TIE1: variants seen among roughly 807,000 people sequenced by gnomAD.
TIE1 encodes the protein tyrosine-protein kinase receptor Tie-1.
A neutral mutation model predicts 130.5 loss-of-function variants in TIE1; 89 were observed. The ratio of observed to expected loss-of-function variants is 0.68; its 90% CI spans 0.57 to 0.81. The LOEUF (loss-of-function observed/expected upper bound fraction) is 0.81. Among genes scored for constraint, TIE1 ranks in the 40% least tolerant of loss-of-function variants. The pLI, the probability that TIE1 is intolerant of heterozygous loss-of-function variation, is 0.00. For synonymous variants in TIE1, 568 were observed against 629.4 expected (o/e 0.90, Z 1.46); for missense variants, 1,392 against 1,559.8 (o/e 0.89, Z 1.81).
At chr1:43,321,051 A>C (rs1437816042) in intron 19 of TIE1, among the ~76,000 whole-genome samples, 10 of 104,060 alleles carry the variant, frequency 9.6e-5, no homozygotes, top group African/African-American at 2.7e-4. Flanking sequence ...AAAAAAAAAA[A>C]AAACAAAACA....
At position 43,321,425 on chromosome 1, in the gene TIE1, G is replaced by A; in HGVS notation, c.3178G>A (p.Ala1060Thr). ...GGTPYCGMTCAELYEKLPQGY... is the reference protein window; with the variant it reads ...GGTPYCGMTCTELYEKLPQGY... ...TACACCCTACTGTGGCATGACCTGT[G>A]CCGAGCTCTATGAAAAGCTGCCCCA... The change falls in exon 21 of 23, where the codon GCC becomes ACC. Residue 1060 changes from alanine (A) to threonine (T), a missense_variant. By Grantham distance (58) the Ala-to-Thr change is moderately conservative. Coordinates refer to ENST00000372476, the MANE Select transcript of TIE1 (RefSeq NM_005424.5). The A allele has an allele frequency of 1.9e-6, 3 of 1,614,044 alleles. No homozygotes were observed. The highest frequency in any genetic ancestry group is 2.2e-5 in the South Asian group (2 of 91,074).
In TIE1 at chr1:43,313,806, G is replaced by C. The variant is rs201058216; in HGVS notation, c.2247G>C (p.Glu749Asp). ...NGLQAEGPVQESRAAEEGLDQ... is the reference protein window; with the variant it reads ...NGLQAEGPVQDSRAAEEGLDQ... ...TGCAGGCTGAGGGCCCAGTCCAAGA[G>C]AGCCGGGCAGCTGAAGAGGGCCTGG... Residue 749 changes from glutamate (E) to aspartate (D), a missense_variant, in exon 14 of 23, where the codon GAG becomes GAC. Coordinates refer to ENST00000372476, the MANE Select transcript of TIE1 (RefSeq NM_005424.5). This position sits in a 1 kb window ranked among gnomAD's most constrained non-coding sequence, Gnocchi z 6.2. 1.3e-4 allele frequency: 217 copies of C among 1,613,626 alleles called. 1 individual carries two copies. In the East Asian group the frequency reaches 3.7e-3, roughly 28 times the overall value.
chr1:43,305,027 C>A lies in TIE1; in HGVS notation c.235C>A (p.Arg79Ser), dbSNP rs1217694593. The A allele has an allele frequency of 3.8e-6, 6 of 1,578,604 alleles. No homozygotes were observed. In the African/African-American group the frequency reaches 6.7e-5, roughly 18 times the overall value. Residue 79 changes from arginine to serine, a missense_variant, in exon 2 of 23, where the codon CGC becomes AGC. Physicochemically the swap from Arg to Ser is moderately radical, Grantham distance 110. Around this residue, in one of 6 missense-constraint regions of TIE1, gnomAD observed 415 missense variants for 424.8 expected, o/e 0.98. Coordinates refer to ENST00000372476, the MANE Select transcript of TIE1 (RefSeq NM_005424.5). ...IVRTPPGPPL[R>S]LARNGSHQVT... ...GCGCACCCCGCCCGGGCCACCCCTGCGCCTGGCGCGCAACGGTTCGCACCA... is the reference window on the plus strand; with the variant it reads ...GCGCACCCCGCCCGGGCCACCCCTGAGCCTGGCGCGCAACGGTTCGCACCA...
In TIE1 at chr1:43,307,891, T is replaced by A. The variant is rs769397264; in HGVS notation, c.1009T>A (p.Ser337Thr). The change falls in exon 7 of 23, where the codon TCT (serine) becomes ACT (threonine). Residue 337 changes from serine (S) to threonine (T), a missense_variant. By Grantham distance (58) the Ser-to-Thr change is moderately conservative (BLOSUM62 1). Around this residue, in one of 6 missense-constraint regions of TIE1, gnomAD observed 28 missense variants for 54.7 expected, o/e 0.51. Coordinates refer to ENST00000372476, the MANE Select transcript of TIE1 (RefSeq NM_005424.5). This position sits in a 1 kb window ranked among gnomAD's most constrained non-coding sequence, Gnocchi z 5.4. The stretch of plus-strand genomic sequence containing the variant: ...CCGGTTCAGTGGTTGTGTCTGCCCC[T>A]CTGGGTGGCATGGAGTGCACTGTGA... ...CDRFSGCVCP[S>T]GWHGVHCEKS... 1.9e-6 allele frequency: 3 copies of A among 1,614,190 alleles called. No individual in the cohort carries two copies. The Admixed American group carries it at 5.0e-5, about 27-fold the overall frequency.
At position 43,322,798 on chromosome 1, in the gene TIE1, T is replaced by TA; in HGVS notation, c.*77dup. On this transcript the variant is annotated 3_prime_UTR_variant, in exon 23 of 23. Coordinates refer to ENST00000372476, the MANE Select transcript of TIE1 (RefSeq NM_005424.5). This position sits in a 1 kb window ranked among gnomAD's most constrained non-coding sequence, Gnocchi z 4.0. ...TCTAACCTGTGACCAGTCTGACCCT[T>TA]ACAGCCTCTGACTTAAGCTGCCTCA... 7.0e-7 allele frequency: 1 copy of TA among 1,419,744 alleles called. No individual in the cohort carries two copies. Among genetic ancestry groups the TA allele is most frequent in the Non-Finnish European group, 9.8e-7 (1 of 1,018,746 alleles). The allele number at this position is 1,419,744 out of a possible 1,614,324, so 87.9% of individuals were successfully genotyped here. A position where few individuals can be genotyped will look rare whatever the true frequency, so the allele number is the denominator to read the frequency against.
At position 43,305,367 on chromosome 1, in the gene TIE1, TG is replaced by T. The variant is rs925737319; in HGVS notation, c.484+28del. The stretch of plus-strand genomic sequence containing the variant: ...CGGTAAAGAGGGGCATTTGAACTGG[TG>T]GGGAGGGTAGACCCATCGTTCTGAG... On this transcript the variant is annotated intron_variant, in intron 3 of 22. Coordinates refer to ENST00000372476, the MANE Select transcript of TIE1 (RefSeq NM_005424.5). 3.3e-6 allele frequency: 5 copies of T among 1,520,982 alleles called. No homozygotes were observed. The African/African-American group carries it at 6.9e-5, about 21-fold the overall frequency. 94.2% of individuals were successfully genotyped at this position (1,520,982 alleles called of 1,614,324 possible). A position where few individuals can be genotyped will look rare whatever the true frequency, so the allele number is the denominator to read the frequency against.
rs544418559 is a variant in TIE1 at position 43,312,905 on chromosome 1, G to A, written c.1928-230G>A. ...TGCGGAACACAGGGCATGGGCGGAT[G>A]TGGAGAGGACTTGGGATACAAGAAG... On this transcript the variant is annotated intron_variant, in intron 12 of 22. Transcript: ENST00000372476. This position sits in a 1 kb window ranked among gnomAD's most constrained non-coding sequence, Gnocchi z 5.6. 6.6e-6 allele frequency among the ~76,000 whole-genome samples: 1 copy of A among 152,182 alleles called. No homozygotes were observed. Among genetic ancestry groups the A allele is most frequent in the East Asian group, 1.9e-4 (1 of 5,166 alleles).
chr1:43,308,061 G>T, intron 7 of TIE1, 137 bp downstream of exon 7: 1 of 1,322,034 alleles, frequency 7.6e-7, no homozygotes, highest in Non-Finnish European at 1.0e-6. Flanking sequence ...AGAGTCTGAT[G>T]GACAGGGAGC....
intron 1 of TIE1, chr1:43,302,434 CA>C (rs1367538325): frequency 6.6e-6 from 1 of 152,370 alleles, no homozygotes; most frequent in South Asian, 2.1e-4. Context: ...GAACACAGGA[CA>C]GGGGAAGAGG....
Position 43,305,006 on chromosome 1 carries a change from A to T in TIE1, c.214A>T (p.Thr72Ser). 6.5e-7 allele frequency: 1 copy of T among 1,540,126 alleles called. No homozygotes were observed. The highest frequency in any genetic ancestry group is 8.8e-7 in the Non-Finnish European group (1 of 1,142,560). The change falls in exon 2 of 23, where the codon ACC becomes TCC. Residue 72 changes from threonine (T) to serine (S), a missense_variant. Physicochemically the swap from Thr to Ser is moderately conservative, Grantham distance 58. This residue lies in a region of TIE1 where 415 missense variants were observed against 424.8 expected (regional missense o/e 0.98). Transcript: ENST00000372476. ...GGAGAAGGACGACCGTATCGTGCGC[A>T]CCCCGCCCGGGCCACCCCTGCGCCT... ...LLEKDDRIVR[T>S]PPGPPLRLAR...
rs1183995069 is a variant in TIE1 at position 43,313,078 on chromosome 1, C to G, written c.1928-57C>G. 3.9e-6 allele frequency: 6 copies of G among 1,543,612 alleles called. No homozygotes were observed. In the African/African-American group the frequency reaches 8.2e-5, roughly 21 times the overall value. On this transcript the variant is annotated intron_variant, in intron 12 of 22. Coordinates refer to ENST00000372476, the MANE Select transcript of TIE1 (RefSeq NM_005424.5). This position sits in a 1 kb window ranked among gnomAD's most constrained non-coding sequence, Gnocchi z 6.2. ...ACAGCTAGAGCAGATGTGTCCAGCCCCACAGCTACATAGCCCGGTCCTATC... is the reference window on the plus strand; with the variant it reads ...ACAGCTAGAGCAGATGTGTCCAGCCGCACAGCTACATAGCCCGGTCCTATC...
chr1:43,321,334 A>C, intron 20 of TIE1, 25 bp downstream of exon 20: 1 of 1,614,060 alleles, frequency 6.2e-7, no homozygotes, highest in Non-Finnish European at 8.5e-7. Context: ...CCCGTCCCCC[A>C]GAGTGCCCCA....
chr1:43,313,826 G>A lies in TIE1; in HGVS notation c.2267G>A (p.Gly756Asp), dbSNP rs1557449840. The change falls in exon 14 of 23, where the codon GGC (glycine) becomes GAC (aspartate). Residue 756 changes from glycine (G) to aspartate (D), a missense_variant. This residue lies in a region of TIE1 where 286 missense variants were observed against 354.4 expected (regional missense o/e 0.81). Coordinates refer to ENST00000372476, the MANE Select transcript of TIE1 (RefSeq NM_005424.5). The surrounding 1 kb of genome is among the most constrained non-coding windows in gnomAD (Gnocchi z 6.2). ...CAAGAGAGCCGGGCAGCTGAAGAGGGCCTGGATCAGCAGCTGATCCTGGCG... is the reference window on the plus strand; with the variant it reads ...CAAGAGAGCCGGGCAGCTGAAGAGGACCTGGATCAGCAGCTGATCCTGGCG... ...PVQESRAAEE[G>D]LDQQLILAVV... 1 of 1,614,030 alleles carries A rather than the reference G, an allele frequency of 6.2e-7. No homozygotes were observed. Among genetic ancestry groups the A allele is most frequent in the East Asian group, 2.2e-5 (1 of 44,878 alleles).
At chr1:43,304,720 A>G in intron 1 of TIE1, 131 bp from the exon 2 acceptor site, 1 of 952,152 alleles carries the variant, frequency 1.1e-6, no homozygotes, top group Non-Finnish European at 1.4e-6. Context: ...AGGGGAAGGA[A>G]GAGGGGTGAA....
chr1:43,310,806 C>A (rs1311900749), intron 9 of TIE1, among the ~76,000 whole-genome samples: 2 of 152,204 alleles, frequency 1.3e-5, no homozygotes, highest in African/African-American at 2.4e-5. Flanking sequence ...CATCTCCCCG[C>A]AAATCAGCAC....
In TIE1 at chr1:43,313,014, C is replaced by G; in HGVS notation, c.1928-121C>G. The G allele has an allele frequency of 8.4e-7, 1 of 1,187,202 alleles. No individual in the cohort carries two copies. Among genetic ancestry groups the G allele is most frequent in the Non-Finnish European group, 1.2e-6 (1 of 847,982 alleles). 73.5% of individuals were successfully genotyped at this position (1,187,202 alleles called of 1,614,324 possible). On this transcript the variant is annotated intron_variant, in intron 12 of 22. Transcript: ENST00000372476. The surrounding 1 kb of genome is among the most constrained non-coding windows in gnomAD (Gnocchi z 6.2). ...AGTCTGGTGGGGAGGAGGAAGTTGG[C>G]AGGGTGGCCCCTGTGCTTGGACCCA...
intron 3 of TIE1, 66 bp downstream of exon 3, chr1:43,305,409 T>C: frequency 7.0e-7 from 1 of 1,422,700 alleles, no homozygotes; most frequent in Non-Finnish European, 9.4e-7. Context: ...AACACTTTCA[T>C]GACCCATGGG....
chr1:43,301,203 T>G, intron 1 of TIE1, 74 bp downstream of exon 1: 1 of 1,517,192 alleles, frequency 6.6e-7, no homozygotes, highest in South Asian at 1.2e-5. Context: ...AACCCTATTT[T>G]ATCATAGAGA....
chr1:43,309,009 A>C lies in TIE1; in HGVS notation c.1066A>C (p.Met356Leu), dbSNP rs776818815. ...KSDRIPQILN[M>L]ASELEFNLET... ...AGACCGGATCCCCCAGATCCTCAAC[A>C]TGGCCTCAGAACTGGAGTTCAACTT... The change falls in exon 8 of 23, where the codon ATG becomes CTG. Residue 356 changes from methionine (M) to leucine (L), a missense_variant. Physicochemically the swap from Met to Leu is conservative, Grantham distance 15. This residue lies in a region of TIE1 where 551 missense variants were observed against 565.5 expected (regional missense o/e 0.97). Transcript: ENST00000372476. This position sits in a 1 kb window ranked among gnomAD's most constrained non-coding sequence, Gnocchi z 6.3. The C allele has an allele frequency of 2.5e-6, 4 of 1,614,030 alleles. No homozygotes were observed. The highest frequency in any genetic ancestry group is 3.4e-6 in the Non-Finnish European group (4 of 1,179,960).
Sources: allele counts gnomAD v4.1 joint callset (sites outside exome capture counted in the v4.1 genomes callset), GRCh38; gene constraint gnomAD v4.1.1; regional missense constraint gnomAD v4.1.1; non-coding constraint Gnocchi (gnomAD v3.1); transcripts MANE v1.5; gene names NCBI Gene and HGNC (gene_info 2026-07-23, HGNC 2026-07-21).